LARGE1: variants seen among roughly 807,000 people sequenced by gnomAD.
LARGE1 encodes the protein xylosyl- and glucuronyltransferase LARGE1.
LARGE1 carries 43 observed loss-of-function variants against 87.6 expected under a neutral mutation model. That is an observed-to-expected ratio of 0.49 (90% confidence interval 0.38 to 0.63). The LOEUF (loss-of-function observed/expected upper bound fraction) is 0.63, where lower values mean the gene tolerates loss of function less well. Among genes scored for constraint, LARGE1 ranks in the 30% least tolerant of loss-of-function variants. LARGE1 has a pLI of 0.00. For missense variants in LARGE1, 802 were observed against 1,000.2 expected (o/e 0.80, Z 2.67); for synonymous variants, 434 against 394.6 (o/e 1.10, Z -1.18).
intron 2 of LARGE1, among the ~76,000 whole-genome samples, chr22:33,696,742 T>C (rs1222054350): frequency 1.3e-5 from 2 of 152,218 alleles, no homozygotes; most frequent in African/African-American, 2.4e-5. Flanking sequence ...TCCTGCTTCC[T>C]GTGAGTTGCT....
intron 4 of LARGE1, among the ~76,000 whole-genome samples, chr22:33,619,513 C>A (rs1309312762): frequency 6.7e-6 from 1 of 150,274 alleles, no homozygotes; most frequent in Non-Finnish European, 1.5e-5. Context: ...CGAGACTGCG[C>A]CACTGCACTC....
At chr22:33,289,143 A>G (rs1411287727) in intron 12 of LARGE1, among the ~76,000 whole-genome samples, 2 of 152,106 alleles carry the variant, frequency 1.3e-5, no homozygotes, top group African/African-American at 4.8e-5. Flanking sequence ...TATTTTTACT[A>G]GAGACAGGTT....
chr22:33,441,024 T>A (rs1318306280), intron 6 of LARGE1, among the ~76,000 whole-genome samples: 2 of 151,972 alleles, frequency 1.3e-5, no homozygotes, highest in Non-Finnish European at 2.9e-5. Flanking sequence ...TTTTTTTGTT[T>A]TTTTTTCCTA....
At chr22:33,792,353 T>A (rs1444290444) in intron 1 of LARGE1, among the ~76,000 whole-genome samples, 1 of 152,214 alleles carries the variant, frequency 6.6e-6, no homozygotes, top group East Asian at 1.9e-4. Context: ...TCCCTGCTGG[T>A]ACTTCTCCTT....
chr22:33,663,877 T>C (rs911655545), intron 2 of LARGE1, among the ~76,000 whole-genome samples: 4 of 152,162 alleles, frequency 2.6e-5, no homozygotes, highest in African/African-American at 9.7e-5. Flanking sequence ...TATTATTTCC[T>C]TTGCATGTTT....
At chr22:33,130,465 G>A in the LARGE1 span, among the ~76,000 whole-genome samples, 2 of 151,954 alleles carry the variant, frequency 1.3e-5, no homozygotes, top group African/African-American at 2.4e-5. Context: ...ACTCCAGCCT[G>A]GGTGACAGAG....
chr22:33,227,375 C>G (rs1409119632), intron 11 of LARGE1, among the ~76,000 whole-genome samples: 4 of 152,000 alleles, frequency 2.6e-5, no homozygotes, highest in Admixed American at 2.6e-4. Context: ...AACGGTGAGG[C>G]CTTAGAGAAG....
intron 9 of LARGE1, among the ~76,000 whole-genome samples, chr22:33,353,956 T>C (rs1940649110): frequency 6.6e-6 from 1 of 152,194 alleles, no homozygotes; most frequent in South Asian, 2.1e-4. Context: ...AGACTAAAAA[T>C]AGCATTACAA....
intron 6 of LARGE1, among the ~76,000 whole-genome samples, chr22:33,530,632 G>A (rs187252509): frequency 9.3e-4 from 142 of 152,236 alleles, no homozygotes; most frequent in African/African-American, 3.4e-3. Context: ...GCATTTAGAA[G>A]CTAGGCATAG....
At chr22:33,230,047 CGGTCACCA>C (rs1303379382) in intron 11 of LARGE1, among the ~76,000 whole-genome samples, 1 of 113,530 alleles carries the variant, frequency 8.8e-6, no homozygotes, top group Non-Finnish European at 1.7e-5. Context: ...GAGTTTTGCT[CGGTCACCA>C]GGCTGGAGTA....
chr22:33,671,262 A>G (rs538869611), intron 2 of LARGE1, among the ~76,000 whole-genome samples: 2 of 152,330 alleles, frequency 1.3e-5, no homozygotes, highest in Admixed American at 6.5e-5. Context: ...AGTTCCCAGA[A>G]TGGCTACATT....
At chr22:33,140,293 A>G in the LARGE1 span, among the ~76,000 whole-genome samples, 655 of 152,264 alleles carry the variant, frequency 4.3e-3, 4 homozygotes, top group African/African-American at 0.015. Flanking sequence ...CTACCCACCC[A>G]GAGCAGTGCT....
chr22:33,310,688 A>C (rs1366492319), intron 11 of LARGE1, among the ~76,000 whole-genome samples: 1 of 152,154 alleles, frequency 6.6e-6, no homozygotes, highest in Non-Finnish European at 1.5e-5. Context: ...GTGCTGCATC[A>C]TAATCGGATG....
At chr22:33,496,808 A>G (rs2070144830) in intron 6 of LARGE1, among the ~76,000 whole-genome samples, 1 of 151,964 alleles carries the variant, frequency 6.6e-6, no homozygotes, top group Non-Finnish European at 1.5e-5. Flanking sequence ...AAAACTCCTA[A>G]TTTTTCTCTT....
intron 2 of LARGE1, among the ~76,000 whole-genome samples, chr22:33,747,429 T>C (rs1486612742): frequency 6.6e-6 from 1 of 152,008 alleles, no homozygotes; most frequent in Non-Finnish European, 1.5e-5. Flanking sequence ...TCTCCATCTC[T>C]TGCTCTTCTC....
In LARGE1 at chr22:33,650,589, G is replaced by A. The variant is rs535793068; in HGVS notation, c.186C>T (p.Arg62=). The change falls in exon 3 of 15, where the codon CGC becomes CGT. Residue 62 remains arginine (R), a synonymous_variant. Coordinates refer to ENST00000397394, the MANE Select transcript of LARGE1 (RefSeq NM_133642.5). The stretch of plus-strand genomic sequence containing the variant: ...CGCGCATGCGCACCTCCAGGCTCTC[G>A]CGCTCCCGCTGGCTGGAGGCCGTGT... ...PRYTASSQRE[R]ESLEVRMREV... is the part of the protein sequence containing the mutation. The A allele has an allele frequency of 2.0e-5, 32 of 1,605,870 alleles. No homozygotes were observed. The South Asian group carries it at 3.1e-4, about 15-fold the overall frequency.
intron 2 of LARGE1, among the ~76,000 whole-genome samples, chr22:33,697,549 C>CAAAAAAAAAAAAA: frequency 1.8e-5 from 1 of 54,092 alleles, no homozygotes; most frequent in Non-Finnish European, 3.0e-5. Flanking sequence ...GACTCTGTCC[C>CAAAAAAAAAAAAA]AAAAAAAAAA....
At chr22:33,151,647 T>C in the LARGE1 span, among the ~76,000 whole-genome samples, 115 of 152,312 alleles carry the variant, frequency 7.6e-4, no homozygotes, top group African/African-American at 2.6e-3. Flanking sequence ...GAGGTTTTAT[T>C]GTGAGCAGGA....
the LARGE1 span, among the ~76,000 whole-genome samples, chr22:33,123,280 T>C: frequency 6.6e-6 from 1 of 152,214 alleles, no homozygotes; most frequent in Non-Finnish European, 1.5e-5. Context: ...AATCTAATTG[T>C]AAAATAGCAT....
Sources: gnomAD v4.1 joint callset for allele counts (sites outside exome capture counted in the v4.1 genomes callset) on GRCh38, gnomAD v4.1.1 for gene constraint, MANE v1.5 for transcripts, NCBI Gene and HGNC (gene_info 2026-07-23, HGNC 2026-07-21) for gene names.